The following RBM33 variants were observed in gnomAD, a reference collection of about 807,000 sequenced individuals.
RBM33 encodes RNA-binding protein 33.
Under a neutral mutation model 132.6 loss-of-function variants are expected in RBM33, and 28 were observed. The ratio of observed to expected loss-of-function variants is 0.21; its 90% CI spans 0.16 to 0.29. The LOEUF (loss-of-function observed/expected upper bound fraction) is 0.29, where lower values mean the gene tolerates loss of function less well. Among genes scored for constraint, RBM33 ranks in the 10% least tolerant of loss-of-function variants. The pLI is 1.00. For missense variants in RBM33, 1,291 were observed against 1,518.5 expected (o/e 0.85, Z 2.49); for synonymous variants, 634 against 593.0 (o/e 1.07, Z -1.01).
chr7:155,673,770 A>G (rs201789050), intron 3 of RBM33, among the ~76,000 whole-genome samples: 5,189 of 121,658 alleles, frequency 0.043, 556 homozygotes, highest in African/African-American at 0.14. Context: ...GCATGCGCGC[A>G]CACACACACA....
At chr7:155,685,783 T>G (rs1315444962) in intron 5 of RBM33, among the ~76,000 whole-genome samples, 1 of 152,240 alleles carries the variant, frequency 6.6e-6, no homozygotes, top group Non-Finnish European at 1.5e-5. Flanking sequence ...TTCTTCAGCC[T>G]GAGAACTTCA....
chr7:155,666,026 G>T (rs1798791176), intron 2 of RBM33, among the ~76,000 whole-genome samples: 1 of 152,184 alleles, frequency 6.6e-6, no homozygotes, highest in Non-Finnish European at 1.5e-5. Context: ...GAACTATGAG[G>T]CCCTTACAGT....
chr7:155,726,120 C>T (rs1341174810), intron 9 of RBM33, among the ~76,000 whole-genome samples: 1 of 152,070 alleles, frequency 6.6e-6, no homozygotes, highest in Non-Finnish European at 1.5e-5. Context: ...TTTCTTATAT[C>T]GTTCTTTGTA....
At chr7:155,678,745 T>C in intron 4 of RBM33, 61 bp downstream of exon 4, 2 of 820,800 alleles carry the variant, frequency 2.4e-6, no homozygotes, top group East Asian at 2.7e-5. Context: ...GGAACTGTTA[T>C]TTATAATTAT....
At chr7:155,669,236 T>C (rs995703672) in intron 2 of RBM33, among the ~76,000 whole-genome samples, 2 of 152,192 alleles carry the variant, frequency 1.3e-5, no homozygotes, top group African/African-American at 4.8e-5. Context: ...CTGGTAGTGG[T>C]GTTTGGAAGA....
Position 155,763,772 on chromosome 7 carries a change from G to A in RBM33, c.2980-40G>A, listed in dbSNP as rs751315885. 4.2e-5 allele frequency: 66 copies of A among 1,568,012 alleles called. No homozygotes were observed. The East Asian group carries it at 1.4e-3, about 34-fold the overall frequency. On this transcript the variant is annotated intron_variant, in intron 14 of 17. Transcript: ENST00000401878. ...ATGCTGGGGAGGAGCTTTTGGTGGA[G>A]CAGACACTGAACAACGTGCTGCCTT...
chr7:155,714,122 G>C (rs936350755), intron 8 of RBM33, among the ~76,000 whole-genome samples: 1 of 152,170 alleles, frequency 6.6e-6, no homozygotes, highest in African/African-American at 2.4e-5. Context: ...CCCTTGAGGG[G>C]TGTGGATTTG....
intron 14 of RBM33, among the ~76,000 whole-genome samples, chr7:155,749,275 G>A (rs907542793): frequency 6.6e-6 from 1 of 152,100 alleles, no homozygotes; most frequent in African/African-American, 2.4e-5. Context: ...TAAATTATGT[G>A]ATTTTTATGC....
chr7:155,768,789 A>G (rs1802309800), intron 16 of RBM33, among the ~76,000 whole-genome samples: 1 of 151,906 alleles, frequency 6.6e-6, no homozygotes, highest in South Asian at 2.1e-4. Flanking sequence ...AATTTTTTGT[A>G]TTTTTAGTAG....
intron 8 of RBM33, among the ~76,000 whole-genome samples, chr7:155,712,870 A>G (rs1468999576): frequency 1.3e-5 from 2 of 152,182 alleles, no homozygotes; most frequent in Non-Finnish European, 2.9e-5. Context: ...GAGGGGTTTG[A>G]GCAGAGGAAT....
intron 7 of RBM33, among the ~76,000 whole-genome samples, chr7:155,708,275 C>T (rs1209319458): frequency 1.3e-5 from 2 of 152,194 alleles, no homozygotes; most frequent in Admixed American, 6.5e-5. Context: ...TTTGCTTATA[C>T]AGCTGTTTTG....
chr7:155,766,350 C>A, intron 15 of RBM33, 117 bp from the exon 16 acceptor site: 1 of 1,152,688 alleles, frequency 8.7e-7, no homozygotes, highest in South Asian at 1.4e-5. Context: ...ACAGAAAATC[C>A]TGTAGCTCAT....
chr7:155,699,329 T>G (rs971181550), intron 5 of RBM33, among the ~76,000 whole-genome samples: 13 of 152,334 alleles, frequency 8.5e-5, no homozygotes, highest in Non-Finnish European at 1.9e-4. Flanking sequence ...CTGAATCGGC[T>G]GAGTCAGAAT....
chr7:155,668,238 G>T (rs551780773), intron 2 of RBM33, among the ~76,000 whole-genome samples: 11 of 152,268 alleles, frequency 7.2e-5, no homozygotes, highest in African/African-American at 2.6e-4. Flanking sequence ...ATATGTGTCT[G>T]TGTGCTTTTT....
chr7:155,732,296 A>T (rs1800977976), intron 9 of RBM33, among the ~76,000 whole-genome samples: 2 of 152,264 alleles, frequency 1.3e-5, no homozygotes, highest in South Asian at 4.1e-4. Context: ...ACACCCAGTG[A>T]TGCTGATTTC....
chr7:155,744,619 G>A (rs1228571497), intron 13 of RBM33, among the ~76,000 whole-genome samples: 2 of 152,222 alleles, frequency 1.3e-5, no homozygotes, highest in African/African-American at 2.4e-5. Flanking sequence ...TAAAACCTGT[G>A]TGACAGCAGG....
intron 1 of RBM33, among the ~76,000 whole-genome samples, chr7:155,661,126 G>GTA (rs1416227541): frequency 1.7e-5 from 1 of 58,990 alleles, no homozygotes; most frequent in Non-Finnish European, 3.9e-5. Context: ...GTGTGTGTGT[G>GTA]TGTGTATATA....
At chr7:155,771,783 G>A (rs1220878665) in intron 16 of RBM33, among the ~76,000 whole-genome samples, 1 of 152,066 alleles carries the variant, frequency 6.6e-6, no homozygotes, top group Non-Finnish European at 1.5e-5. Flanking sequence ...CCAGGCTGGA[G>A]TGCAGTGGTA....
At chr7:155,694,139 CTTAA>C (rs1360297203) in intron 5 of RBM33, among the ~76,000 whole-genome samples, 2 of 152,108 alleles carry the variant, frequency 1.3e-5, no homozygotes, top group Non-Finnish European at 2.9e-5. Context: ...ATATTAGAAT[CTTAA>C]TTATAGAACT....
Sources: gnomAD v4.1 joint callset for allele counts (sites outside exome capture counted in the v4.1 genomes callset) on GRCh38, gnomAD v4.1.1 for gene constraint, MANE v1.5 for transcripts, NCBI Gene and HGNC (gene_info 2026-07-23, HGNC 2026-07-21) for gene names.